The following VPS13A variants were observed in gnomAD, a reference collection of about 807,000 sequenced individuals.
The protein encoded by VPS13A is vacuolar protein sorting 13 homolog A.
In VPS13A, 264 loss-of-function variants were observed where a neutral mutation model predicts 390.9. That is an observed-to-expected ratio of 0.68 (90% CI 0.61 to 0.75). The LOEUF is 0.75. Among genes scored for constraint, VPS13A ranks in the 30% least tolerant of loss-of-function variants. VPS13A has a pLI of 0.00. For synonymous variants in VPS13A, 1,231 were observed against 1,227.1 expected (o/e 1.00, Z -0.07); for missense variants, 3,409 against 3,733.9 (o/e 0.91, Z 2.27).
chr9:77,407,232 C>T (rs1220887574), intron 70 of VPS13A, among the ~76,000 whole-genome samples: 1 of 152,194 alleles, frequency 6.6e-6, no homozygotes, highest in African/African-American at 2.4e-5. Flanking sequence ...AACAGTGGCA[C>T]TACTCCCCAA....
chr9:77,207,205 T>TA (rs1825684090), intron 5 of VPS13A, among the ~76,000 whole-genome samples: 2 of 70,336 alleles, frequency 2.8e-5, no homozygotes, highest in Non-Finnish European at 6.5e-5. Context: ...TCTTGATTTA[T>TA]TTAGATATTA....
intron 39 of VPS13A, among the ~76,000 whole-genome samples, chr9:77,317,324 T>C (rs985566943): frequency 6.6e-6 from 1 of 151,996 alleles, no homozygotes; most frequent in Non-Finnish European, 1.5e-5. Flanking sequence ...AATATAGCTG[T>C]ATGACCACAC....
At chr9:77,275,403 G>T in intron 24 of VPS13A, 95 bp from the exon 25 acceptor site, 3 of 1,157,960 alleles carry the variant, frequency 2.6e-6, no homozygotes, top group South Asian at 2.6e-5. Context: ...TTAAAAGAGA[G>T]CCTTAGTGTT....
At chr9:77,360,048 G>C (rs1232364416) in intron 58 of VPS13A, among the ~76,000 whole-genome samples, 1 of 152,036 alleles carries the variant, frequency 6.6e-6, no homozygotes, top group Admixed American at 6.6e-5. Flanking sequence ...ATAATCTCCT[G>C]TCTAATTTCC....
chr9:77,367,790 A>G (rs1832517877), intron 61 of VPS13A, among the ~76,000 whole-genome samples: 1 of 152,198 alleles, frequency 6.6e-6, no homozygotes, highest in Admixed American at 6.5e-5. Flanking sequence ...AGGATCTCAG[A>G]ACTCTCGAAT....
intron 5 of VPS13A, among the ~76,000 whole-genome samples, chr9:77,207,850 T>C (rs1037790961): frequency 2.0e-5 from 3 of 152,242 alleles, no homozygotes; most frequent in South Asian, 4.1e-4. Context: ...TCCAGGGTTC[T>C]GTGACTTGGA....
Position 77,275,468 on chromosome 9 carries a change from T to C in VPS13A, c.2513-30T>C, listed in dbSNP as rs779686588. ...ACTGTTAAATTGATCATTTTAATTA[T>C]TGACTTAAATAATGTTCTGTGAAAT... On this transcript the variant is annotated intron_variant, in intron 24 of 71. Transcript: ENST00000360280. The C allele has an allele frequency of 1.1e-5, 18 of 1,603,152 alleles. No individual in the cohort carries two copies. The South Asian group carries it at 1.4e-4, about 13-fold the overall frequency.
intron 22 of VPS13A, among the ~76,000 whole-genome samples, chr9:77,256,883 T>C (rs1234700179): frequency 1.3e-5 from 2 of 152,152 alleles, no homozygotes; most frequent in Non-Finnish European, 2.9e-5. Flanking sequence ...ACCTGTGTGT[T>C]TTCTATGAGT....
chr9:77,264,060 C>T (rs1238340588), intron 23 of VPS13A, among the ~76,000 whole-genome samples: 1 of 151,884 alleles, frequency 6.6e-6, no homozygotes, highest in Non-Finnish European at 1.5e-5. Context: ...AATCTTTCCC[C>T]CATTGCTTGT....
Position 77,293,468 on chromosome 9 carries a change from T to C in VPS13A, c.3467T>C (p.Ile1156Thr), listed in dbSNP as rs749097849. ...CAGGTTAATTTAATAGTTGGTTGCA[T>C]TGAAGTAGTTTTTGTCACGAAATTT... ...DIQVNLIVGC[I>T]EVVFVTKFLY... Residue 1156 changes from isoleucine to threonine, a missense_variant, in exon 32 of 72, where the codon ATT becomes ACT. Physicochemically the swap from Ile to Thr is moderately conservative, Grantham distance 89. This residue lies in a region of VPS13A where 2,717 missense variants were observed against 2,917.4 expected (regional missense o/e 0.93). Coordinates refer to ENST00000360280, the MANE Select transcript of VPS13A (RefSeq NM_033305.3). The C allele has an allele frequency of 1.3e-6, 2 of 1,597,876 alleles. No homozygotes were observed. Among genetic ancestry groups the C allele is most frequent in the Non-Finnish European group, 1.7e-6 (2 of 1,172,828 alleles).
intron 10 of VPS13A, among the ~76,000 whole-genome samples, chr9:77,216,974 C>G (rs1298430731): frequency 6.6e-6 from 1 of 152,166 alleles, no homozygotes; most frequent in Non-Finnish European, 1.5e-5. Flanking sequence ...TGTGCCCACC[C>G]AGATTGAGGG....
In VPS13A at chr9:77,347,300, A is replaced by G. The variant is rs935231512; in HGVS notation, c.7289+2158A>G. ...CAGTATGGTCATTTTCATAATATTGAATCTACCATCCATGAGCATGAGATG... is the reference window on the plus strand; with the variant it reads ...CAGTATGGTCATTTTCATAATATTGGATCTACCATCCATGAGCATGAGATG... On this transcript the variant is annotated intron_variant, in intron 52 of 71. Transcript: ENST00000360280. Among the ~76,000 whole-genome samples the G allele has an allele frequency of 4.5e-5, 6 of 134,130 alleles. No homozygotes were observed. The South Asian group carries it at 1.4e-3, about 32-fold the overall frequency. The allele number at this position is 134,130 out of a possible 152,430, so 88.0% of individuals were successfully genotyped here. A position where few individuals can be genotyped will look rare whatever the true frequency, so the allele number is the denominator to read the frequency against.
At chr9:77,220,756 T>A (rs1209271979) in intron 12 of VPS13A, among the ~76,000 whole-genome samples, 2 of 152,062 alleles carry the variant, frequency 1.3e-5, no homozygotes, top group East Asian at 3.9e-4. Flanking sequence ...AAACCTGTAT[T>A]TTAAAAGCTA....
At chr9:77,218,024 C>T (rs1375706655) in intron 10 of VPS13A, among the ~76,000 whole-genome samples, 3 of 151,480 alleles carry the variant, frequency 2.0e-5, no homozygotes, top group Non-Finnish European at 2.9e-5. Context: ...TTTCATTTCT[C>T]GGATGATGAG....
Position 77,421,081 on chromosome 9 carries a change from T to G in VPS13A, c.*5075T>G, listed in dbSNP as rs1188159012. On this transcript the variant is annotated 3_prime_UTR_variant, in exon 72 of 72. Transcript: ENST00000360280. ...ATAAAAATGAATTTTTCAGGAAAAG[T>G]GCACTTTAAAAATACTTTCTCTTGC... 6.6e-6 allele frequency: 1 copy of G among 152,218 alleles called. No individual in the cohort carries two copies. The highest frequency in any genetic ancestry group is 1.5e-5 in the Non-Finnish European group (1 of 68,032). 9.4% of individuals were successfully genotyped at this position (152,218 alleles called of 1,614,324 possible).
intron 68 of VPS13A, among the ~76,000 whole-genome samples, chr9:77,399,174 A>ATT (rs1765291397): frequency 3.5e-5 from 3 of 85,250 alleles, no homozygotes; most frequent in Admixed American, 1.1e-4. Context: ...TAATAAAAAA[A>ATT]AAAAAATAAA....
intron 22 of VPS13A, among the ~76,000 whole-genome samples, chr9:77,259,316 A>T (rs896535168): frequency 6.6e-6 from 1 of 152,162 alleles, no homozygotes; most frequent in African/African-American, 2.4e-5. Context: ...GTTTAAGTGC[A>T]TTAAGAGAAC....
rs1334701514 is a variant in VPS13A, at chr9:77,418,199, G to A, written c.*2193G>A. 6.6e-6 allele frequency: 1 copy of A among 152,152 alleles called. No individual in the cohort carries two copies. The highest frequency in any genetic ancestry group is 1.5e-5 in the Non-Finnish European group (1 of 68,032). 9.4% of individuals were successfully genotyped at this position (152,152 alleles called of 1,614,324 possible). A position where few individuals can be genotyped will look rare whatever the true frequency, so the allele number is the denominator to read the frequency against. On this transcript the variant is annotated 3_prime_UTR_variant, in exon 72 of 72. Coordinates refer to ENST00000360280, the MANE Select transcript of VPS13A (RefSeq NM_033305.3). ...TAAATTACATTTAACTACAAGAAAT[G>A]GCTCTCTGCTGGAGAAATTTAAGCT...
chr9:77,391,193 CTT>C (rs1833883485), intron 68 of VPS13A, among the ~76,000 whole-genome samples: 1 of 152,166 alleles, frequency 6.6e-6, no homozygotes, highest in African/African-American at 2.4e-5. Flanking sequence ...TACCTAGTAA[CTT>C]TCCCTAGTTA....
Sources: gnomAD v4.1 joint callset for allele counts (sites outside exome capture counted in the v4.1 genomes callset) on GRCh38, gnomAD v4.1.1 for gene constraint, gnomAD v4.1.1 regional missense constraint, MANE v1.5 for transcripts, NCBI Gene and HGNC (gene_info 2026-07-23, HGNC 2026-07-21) for gene names.